URI1: variants seen among roughly 807,000 people sequenced by gnomAD.
The protein encoded by URI1 is URI1 prefoldin like chaperone, also known as unconventional prefoldin RPB5 interactor 1.
In URI1, 39 loss-of-function variants were observed where a neutral mutation model predicts 60.2. The observed-to-expected ratio is 0.65, with a 90% confidence interval of 0.50 to 0.85. URI1 has a LOEUF of 0.85. URI1 is among the 40% of genes least tolerant of loss of function. The probability of loss-of-function intolerance (pLI) is 0.00; values close to 1 mark genes in which losing one functional copy is unlikely to be tolerated. For synonymous variants in URI1, 251 were observed against 236.8 expected (o/e 1.06, Z -0.55); for missense variants, 691 against 665.9 (o/e 1.04, Z -0.42).
chr19:29,964,863 T>TC (rs2055372767), intron 1 of URI1, among the ~76,000 whole-genome samples: 1 of 151,936 alleles, frequency 6.6e-6, no homozygotes, highest in African/African-American at 2.4e-5. Context: ...CTGTTTTTTT[T>TC]TTTTTTTCTT....
chr19:29,942,306 GGCA>G lies in URI1; in HGVS notation c.-240_-238del. ...GCACCGGAGAGGCGTCTCGGTACCT[GGCA>G]GGCGGCCTGCTACTCGGAGCCCGCT... is the stretch of plus-strand genomic sequence containing the variant. On this transcript the variant is annotated 5_prime_UTR_variant, in exon 1 of 11. Transcript: ENST00000392271. The G allele has an allele frequency of 1.0e-6, 1 of 985,300 alleles. No homozygotes were observed. Among genetic ancestry groups the G allele is most frequent in the Non-Finnish European group, 1.2e-6 (1 of 829,744 alleles). 61.0% of individuals were successfully genotyped at this position (985,300 alleles called of 1,614,324 possible).
intron 1 of URI1, among the ~76,000 whole-genome samples, chr19:29,927,453 G>T (rs529354524): frequency 1.3e-3 from 199 of 151,256 alleles, no homozygotes; most frequent in Non-Finnish European, 2.3e-3. Context: ...GTAGACACGG[G>T]GTTTCACCAT....
intron 4 of URI1, among the ~76,000 whole-genome samples, chr19:29,995,190 A>T (rs1329564106): frequency 2.0e-5 from 3 of 152,174 alleles, no homozygotes; most frequent in Non-Finnish European, 4.4e-5. Context: ...CATTCTTGTC[A>T]ACACTTGTTA....
chr19:29,986,754 C>G (rs1481667189), intron 4 of URI1, among the ~76,000 whole-genome samples: 1 of 152,054 alleles, frequency 6.6e-6, no homozygotes, highest in African/African-American at 2.4e-5. Flanking sequence ...CTATTATAGA[C>G]TTATTTTTGC....
chr19:29,971,221 A>C lies in URI1; in HGVS notation c.146A>C (p.Gln49Pro). ...KVVTNCQERIQHWKKVDNDYN... is the reference protein window; with the variant it reads ...KVVTNCQERIPHWKKVDNDYN... ...GTCACTAACTGCCAAGAGAGAATCC[A>C]GCATTGGTGAGTGAAAGATGGTTTT... Residue 49 changes from glutamine (Q) to proline (P), a missense_variant, in exon 2 of 11, where the codon CAG becomes CCG. Gln to Pro is a moderately conservative substitution (Grantham distance 76). Coordinates refer to ENST00000392271, the MANE Select transcript of URI1 (RefSeq NM_003796.3). 6.2e-7 allele frequency: 1 copy of C among 1,613,270 alleles called. No homozygotes were observed. The highest frequency in any genetic ancestry group is 8.5e-7 in the Non-Finnish European group (1 of 1,179,412).
intron 4 of URI1, among the ~76,000 whole-genome samples, chr19:29,992,522 C>T (rs536028192): frequency 6.6e-6 from 1 of 152,256 alleles, no homozygotes; most frequent in East Asian, 1.9e-4. Context: ...CCTCTTGTTA[C>T]CCTTTCTTGT....
intron 1 of URI1, among the ~76,000 whole-genome samples, chr19:29,954,116 A>C (rs2145264464): frequency 6.6e-6 from 1 of 152,358 alleles, no homozygotes; most frequent in African/African-American, 2.4e-5. Flanking sequence ...CTTGGTTCTC[A>C]ACATCTGCAT....
intron 3 of URI1, among the ~76,000 whole-genome samples, chr19:29,985,860 G>GT (rs1158664441): frequency 6.6e-6 from 1 of 152,108 alleles, no homozygotes; most frequent in African/African-American, 2.4e-5. Flanking sequence ...AAAGCTATTT[G>GT]TTTACTAATT....
intron 2 of URI1, among the ~76,000 whole-genome samples, chr19:29,984,090 C>T (rs1465880564): frequency 6.6e-6 from 1 of 152,272 alleles, no homozygotes; most frequent in Non-Finnish European, 1.5e-5. Context: ...TTCATGATTT[C>T]AACTTCACAG....
intron 2 of URI1, among the ~76,000 whole-genome samples, chr19:29,981,903 T>C (rs1027504768): frequency 1.3e-5 from 2 of 152,232 alleles, no homozygotes; most frequent in African/African-American, 2.4e-5. Flanking sequence ...AATTTTGTTA[T>C]AAATAAAGAC....
chr19:29,998,329 T>G (rs1191815531), intron 4 of URI1, among the ~76,000 whole-genome samples: 1 of 152,178 alleles, frequency 6.6e-6, no homozygotes, highest in African/African-American at 2.4e-5. Flanking sequence ...GGTTTCTATA[T>G]ATGTCTATTA....
intron 1 of URI1, chr19:29,923,875 G>A: frequency 9.7e-7 from 1 of 1,026,840 alleles, no homozygotes. Flanking sequence ...TGGCGCTGTA[G>A]ACATAGCTAT....
chr19:29,957,024 A>T, intron 1 of URI1: 1 of 638,514 alleles, frequency 1.6e-6, no homozygotes. Flanking sequence ...AGTGGCCCAG[A>T]GTAGTCTTTT....
At chr19:29,929,102 T>G (rs537524771) in intron 1 of URI1, among the ~76,000 whole-genome samples, 1 of 152,324 alleles carries the variant, frequency 6.6e-6, no homozygotes, top group African/African-American at 2.4e-5. Context: ...GCATAGAGGT[T>G]TTTGTATTGA....
At chr19:29,987,040 T>A (rs933841600) in intron 4 of URI1, among the ~76,000 whole-genome samples, 1 of 152,060 alleles carries the variant, frequency 6.6e-6, no homozygotes, top group African/African-American at 2.4e-5. Flanking sequence ...GAAGCCTACA[T>A]ACACACACAC....
chr19:29,958,995 C>T (rs1346362752), intron 1 of URI1, among the ~76,000 whole-genome samples: 2 of 151,988 alleles, frequency 1.3e-5, no homozygotes, highest in African/African-American at 4.8e-5. Flanking sequence ...TACCTTAAAC[C>T]TATGATTTTC....
chr19:29,977,889 A>G (rs945216354), intron 2 of URI1, among the ~76,000 whole-genome samples: 1 of 152,200 alleles, frequency 6.6e-6, no homozygotes, highest in Non-Finnish European at 1.5e-5. Flanking sequence ...TATTCTGAAT[A>G]TAAAATGAAT....
chr19:29,960,762 G>C (rs769437787), intron 1 of URI1, among the ~76,000 whole-genome samples: 41 of 152,042 alleles, frequency 2.7e-4, no homozygotes, highest in Admixed American at 2.4e-3. Context: ...TAGGATTCCT[G>C]ATATATTTAA....
chr19:29,941,404 G>A (rs1006621578), upstream of URI1, among the ~76,000 whole-genome samples: 17 of 152,010 alleles, frequency 1.1e-4, no homozygotes, highest in African/African-American at 4.1e-4. Context: ...TAAGACAGGA[G>A]GCTCGCTTAA....
Sources: allele counts gnomAD v4.1 joint callset (sites outside exome capture counted in the v4.1 genomes callset), GRCh38; gene constraint gnomAD v4.1.1; transcripts MANE v1.5; gene names NCBI Gene and HGNC (gene_info 2026-07-23, HGNC 2026-07-21).